Variants in XYLB observed in about 807,000 individuals in gnomAD.
The protein encoded by XYLB is xylulose kinase.
In XYLB, 62 loss-of-function variants were observed where a neutral mutation model predicts 78.7. The ratio of observed to expected loss-of-function variants is 0.79; its 90% CI spans 0.64 to 0.97. The LOEUF (loss-of-function observed/expected upper bound fraction) is 0.97, where lower values mean the gene tolerates loss of function less well. Among genes scored for constraint, XYLB ranks in the 50% least tolerant of loss-of-function variants. The pLI, the probability that XYLB is intolerant of heterozygous loss-of-function variation, is 0.00. For synonymous variants in XYLB, 245 were observed against 247.4 expected (o/e 0.99, Z 0.09); for missense variants, 687 against 676.8 (o/e 1.02, Z -0.17).
At chr3:38,391,826 G>A (rs779371023) in intron 15 of XYLB, among the ~76,000 whole-genome samples, 2 of 152,098 alleles carry the variant, frequency 1.3e-5, no homozygotes, top group Admixed American at 6.5e-5. Context: ...TACAATATAC[G>A]GGACGATCCC....
At chr3:38,388,951 CTT>C (rs764161832) in intron 15 of XYLB, among the ~76,000 whole-genome samples, 6 of 145,266 alleles carry the variant, frequency 4.1e-5, no homozygotes, top group African/African-American at 1.0e-4. Context: ...AATTTTCTTT[CTT>C]TTTTTTTTTT....
chr3:38,383,729 G>T (rs1707256317), intron 15 of XYLB, among the ~76,000 whole-genome samples: 1 of 152,160 alleles, frequency 6.6e-6, no homozygotes, highest in Non-Finnish European at 1.5e-5. Context: ...GGAGGTCAAG[G>T]CTGCAATGAG....
intron 14 of XYLB, among the ~76,000 whole-genome samples, chr3:38,377,539 G>A (rs1392540738): frequency 1.3e-5 from 2 of 150,672 alleles, no homozygotes; most frequent in African/African-American, 2.4e-5. Context: ...CCCCCACCTC[G>A]TGGGTTCAAA....
Position 38,348,553 on chromosome 3 carries a change from A to C in XYLB, c.61A>C (p.Lys21Gln). The C allele has an allele frequency of 6.2e-7, 1 of 1,614,100 alleles. No homozygotes were observed. The highest frequency in any genetic ancestry group is 8.5e-7 in the Non-Finnish European group (1 of 1,180,006). Reference sequence around the variant, plus strand: ...CCTTTTTTAAAATGCCTTTCAGGTAAAGGTTGTTGCTGTTGATGCAGAGTT... The same window carrying C: ...CCTTTTTTAAAATGCCTTTCAGGTACAGGTTGTTGCTGTTGATGCAGAGTT... ...LGWDFSTQQV[K>Q]VVAVDAELNV... The change falls in exon 2 of 19, where the codon AAG (lysine) becomes CAG (glutamine). Residue 21 changes from lysine to glutamine, a missense_variant. Physicochemically the swap from Lys to Gln is moderately conservative, Grantham distance 53. Transcript: ENST00000207870.
At chr3:38,421,740 G>T (rs1708985683), downstream of XYLB, among the ~76,000 whole-genome samples, 1 of 152,210 alleles carries the variant, frequency 6.6e-6, no homozygotes, top group Non-Finnish European at 1.5e-5. Flanking sequence ...CAGAAGAGGT[G>T]ACAGAGCAAG....
In XYLB at chr3:38,386,184, A is replaced by T. The variant is rs138970338; in HGVS notation, c.1291+6842A>T. ...CCAGATTGCTGCCTCCTTGACATGC[A>T]AGCCCCATTTTGGCTTCTCTGCTTA... On this transcript the variant is annotated intron_variant, in intron 15 of 18. Coordinates refer to ENST00000207870, the MANE Select transcript of XYLB (RefSeq NM_005108.4). 1.4e-4 allele frequency among the ~76,000 whole-genome samples: 21 copies of T among 152,048 alleles called. No homozygotes were observed. In the East Asian group the frequency reaches 2.9e-3, roughly 21 times the overall value.
intron 2 of XYLB, 120 bp downstream of exon 2, chr3:38,348,752 G>A (rs544572776): frequency 3.1e-5 from 26 of 836,786 alleles, no homozygotes; most frequent in African/African-American, 2.4e-4. Flanking sequence ...TGGTGGTCTC[G>A]GCAGACCTTT....
chr3:38,382,599 G>T (rs1222623018), intron 15 of XYLB, among the ~76,000 whole-genome samples: 1 of 152,196 alleles, frequency 6.6e-6, no homozygotes, highest in Non-Finnish European at 1.5e-5. Flanking sequence ...TTTCCTAAAG[G>T]TCTGCAAAGA....
chr3:38,452,064 A>G, the XYLB span: 6 of 152,210 alleles, frequency 3.9e-5, no homozygotes, highest in Non-Finnish European at 7.3e-5. Flanking sequence ...TAGAAAAGAC[A>G]CTTAAACTGG....
At chr3:38,421,278 G>A (rs1291276563), downstream of XYLB, 11 of 152,462 alleles carry the variant, frequency 7.2e-5, no homozygotes, top group South Asian at 2.0e-4. Context: ...ACGGGGGCTC[G>A]AACCTGGGTC....
chr3:38,415,655 C>T (rs1426541020), downstream of XYLB, among the ~76,000 whole-genome samples: 8 of 151,874 alleles, frequency 5.3e-5, no homozygotes, highest in South Asian at 2.1e-4. Flanking sequence ...TGGTGGTGCA[C>T]GCCTGTAATC....
intron 2 of XYLB, among the ~76,000 whole-genome samples, chr3:38,358,023 T>A: frequency 6.6e-6 from 1 of 151,742 alleles, no homozygotes; most frequent in East Asian, 2.0e-4. Flanking sequence ...TTTGAAGCAA[T>A]GTTTTTAATT....
At chr3:38,382,492 G>T (rs1196962313) in intron 15 of XYLB, among the ~76,000 whole-genome samples, 1 of 152,120 alleles carries the variant, frequency 6.6e-6, no homozygotes, top group Non-Finnish European at 1.5e-5. Flanking sequence ...TTTTCAGGAT[G>T]TGTGTTCTAG....
intron 15 of XYLB, among the ~76,000 whole-genome samples, chr3:38,386,013 T>G (rs1335769334): frequency 6.6e-6 from 1 of 152,242 alleles, no homozygotes; most frequent in Non-Finnish European, 1.5e-5. Flanking sequence ...TTTGTCTGTC[T>G]GTCTACTTCT....
chr3:38,425,905 G>A (rs1709090473), downstream of XYLB, among the ~76,000 whole-genome samples: 1 of 152,182 alleles, frequency 6.6e-6, no homozygotes, highest in South Asian at 2.1e-4. Flanking sequence ...GTTTTCTTGT[G>A]TGAATTCTTC....
At position 38,365,112 on chromosome 3, in the gene XYLB, G is replaced by T. The variant is rs1252369885; in HGVS notation, c.292-87G>T. 3.3e-5 allele frequency: 40 copies of T among 1,219,990 alleles called. No homozygotes were observed. In the South Asian group the frequency reaches 3.3e-4, roughly 10 times the overall value. The allele number at this position is 1,219,990 out of a possible 1,614,324, so 75.6% of individuals were successfully genotyped here. A position where few individuals can be genotyped will look rare whatever the true frequency, so the allele number is the denominator to read the frequency against. On this transcript the variant is annotated intron_variant, in intron 4 of 18. Transcript: ENST00000207870. ...GGCAGGTGTGGAGCCCAGTTCTTTG[G>T]CATGTGGTCTGGGGTCTTTCTGTGT...
intron 1 of XYLB, 116 bp downstream of exon 1, chr3:38,347,041 T>C: frequency 9.2e-7 from 1 of 1,082,810 alleles, no homozygotes; most frequent in Non-Finnish European, 1.2e-6. Flanking sequence ...CGCGCCTACC[T>C]CTCGGGCTTC....
intron 11 of XYLB, 42 bp from the exon 12 acceptor site, chr3:38,375,102 G>A (rs766034404): frequency 6.5e-7 from 1 of 1,545,442 alleles, no homozygotes; most frequent in Non-Finnish European, 8.9e-7. Flanking sequence ...CAGCGTGTGT[G>A]GGCAAAGCCC....
At chr3:38,397,283 CA>C (rs1417145442) in intron 17 of XYLB, 124 bp downstream of exon 17, 1 of 871,906 alleles carries the variant, frequency 1.1e-6, no homozygotes, top group African/African-American at 1.7e-5. Flanking sequence ...TTGGGGACTT[CA>C]GCTTCATTTT....
Sources: gnomAD v4.1 joint callset for allele counts (sites outside exome capture counted in the v4.1 genomes callset) on GRCh38, gnomAD v4.1.1 for gene constraint, MANE v1.5 for transcripts, NCBI Gene and HGNC (gene_info 2026-07-23, HGNC 2026-07-21) for gene names.